The following MKRN2 variants were observed in gnomAD, a reference collection of about 807,000 sequenced individuals.
The protein encoded by MKRN2 is E3 ubiquitin-protein ligase makorin-2.
A neutral mutation model predicts 45.4 loss-of-function variants in MKRN2; 32 were observed. The ratio of observed to expected loss-of-function variants is 0.70; its 90% CI spans 0.53 to 0.95. MKRN2 has a LOEUF of 0.95. Ranked by LOEUF, MKRN2 falls within the 40% of genes least tolerant of loss-of-function variation. The pLI, the probability that MKRN2 is intolerant of heterozygous loss-of-function variation, is 0.00. For missense variants in MKRN2, 526 were observed against 536.7 expected, an observed-to-expected ratio of 0.98 and a Z score of 0.20; for synonymous variants, 206 against 192.4, an observed-to-expected ratio of 1.07 and a Z score of -0.59.
chr3:12,558,777 A>G (rs914970205), intron 1 of MKRN2, among the ~76,000 whole-genome samples: 1 of 152,166 alleles, frequency 6.6e-6, no homozygotes, highest in African/African-American at 2.4e-5. Flanking sequence ...CTCCATATAA[A>G]TGAAGATTGG....
intron 6 of MKRN2, 120 bp downstream of exon 6, chr3:12,576,861 C>T (rs934653641): frequency 1.0e-5 from 6 of 587,426 alleles, no homozygotes; most frequent in Non-Finnish European, 1.8e-5. Context: ...TTCCTTCTCT[C>T]AGGCACCATG....
intron 3 of MKRN2, 105 bp from the exon 4 acceptor site, chr3:12,571,964 T>G: frequency 8.9e-7 from 1 of 1,125,836 alleles, no homozygotes; most frequent in East Asian, 2.8e-5. Context: ...TTCTCAAGAG[T>G]GGAATTCTTA....
intron 4 of MKRN2, among the ~76,000 whole-genome samples, 154 bp from the exon 5 acceptor site, chr3:12,574,638 C>T (rs2058119679): frequency 6.6e-6 from 1 of 152,212 alleles, no homozygotes; most frequent in South Asian, 2.1e-4. Flanking sequence ...TGTCAGTGTC[C>T]TGACTTGGGG....
At chr3:12,576,366 T>C (rs79870716) in intron 5 of MKRN2, among the ~76,000 whole-genome samples, 1 of 152,164 alleles carries the variant, frequency 6.6e-6, no homozygotes, top group Non-Finnish European at 1.5e-5. Context: ...ATTAGCTGTT[T>C]GTGCTGATGT....
intron 6 of MKRN2, among the ~76,000 whole-genome samples, chr3:12,578,224 T>C (rs1389246373): frequency 1.3e-5 from 2 of 152,186 alleles, no homozygotes; most frequent in Non-Finnish European, 2.9e-5. Flanking sequence ...CTTTTAGTTC[T>C]TCAGGCCAGA....
intron 1 of MKRN2, among the ~76,000 whole-genome samples, chr3:12,564,338 C>T (rs1056993912): frequency 2.0e-5 from 3 of 152,202 alleles, no homozygotes; most frequent in South Asian, 2.1e-4. Flanking sequence ...TACTGTTTTT[C>T]TATAGAAGCT....
At chr3:12,574,588 C>T (rs913277235) in intron 4 of MKRN2, among the ~76,000 whole-genome samples, 14 of 152,180 alleles carry the variant, frequency 9.2e-5, no homozygotes, top group Admixed American at 6.5e-4. Flanking sequence ...AGGGGCTGGA[C>T]CAGTGATGGT....
At chr3:12,579,912 C>G (rs1038024585) in intron 6 of MKRN2, among the ~76,000 whole-genome samples, 6 of 151,814 alleles carry the variant, frequency 4.0e-5, no homozygotes, top group Non-Finnish European at 8.8e-5. Flanking sequence ...AGGGAGACCT[C>G]ATCTCTTTAA....
At chr3:12,567,114 TGC>T (rs1458374013) in intron 1 of MKRN2, among the ~76,000 whole-genome samples, 3 of 152,190 alleles carry the variant, frequency 2.0e-5, no homozygotes, top group African/African-American at 7.2e-5. Context: ...TATGATTGGA[TGC>T]CAAGCATTGT....
intron 6 of MKRN2, among the ~76,000 whole-genome samples, chr3:12,578,807 T>C (rs1362542285): frequency 6.6e-6 from 1 of 152,024 alleles, no homozygotes; most frequent in Non-Finnish European, 1.5e-5. Flanking sequence ...AAACTATGCA[T>C]TACCTTTTTT....
At chr3:12,576,933 G>GTTTTTGGTTTTTT (rs56380121) in intron 6 of MKRN2, 192 bp downstream of exon 6, 1 of 55,244 alleles carries the variant, frequency 1.8e-5, no homozygotes, top group African/African-American at 1.3e-4. Flanking sequence ...TAGTTTTGGT[G>GTTTTTGGTTTTTT]TTTTTTTTTT....
chr3:12,577,222 A>T (rs2058147230), intron 6 of MKRN2: 1 of 152,328 alleles, frequency 6.6e-6, no homozygotes, highest in African/African-American at 2.4e-5. Context: ...TACAGGCATG[A>T]GCCACCGTGC....
intron 3 of MKRN2, among the ~76,000 whole-genome samples, chr3:12,571,571 A>G (rs2058099789): frequency 6.6e-6 from 1 of 152,214 alleles, no homozygotes; most frequent in Admixed American, 6.5e-5. Flanking sequence ...GGAAGGCAGC[A>G]GCTCCTGGCG....
chr3:12,579,662 C>G (rs1025162246), intron 6 of MKRN2, among the ~76,000 whole-genome samples: 4 of 152,120 alleles, frequency 2.6e-5, no homozygotes, highest in African/African-American at 9.7e-5. Context: ...GATGGAAGGA[C>G]ATGGGCACAG....
intron 1 of MKRN2, among the ~76,000 whole-genome samples, chr3:12,562,180 C>T (rs1397952203): frequency 6.6e-6 from 1 of 152,158 alleles, no homozygotes; most frequent in Admixed American, 6.5e-5. Flanking sequence ...ACATAGGCAC[C>T]CTCTGCCTAG....
chr3:12,580,667 C>T (rs1189348687), intron 6 of MKRN2, among the ~76,000 whole-genome samples: 1 of 152,168 alleles, frequency 6.6e-6, no homozygotes, highest in Non-Finnish European at 1.5e-5. Flanking sequence ...CTGTGTTGGC[C>T]AGGCTGGTCT....
chr3:12,560,849 G>A (rs1335263361), intron 1 of MKRN2: 1 of 152,242 alleles, frequency 6.6e-6, no homozygotes, highest in Admixed American at 6.5e-5. Flanking sequence ...GAAGATATGA[G>A]GGGCGGTTTG....
intron 1 of MKRN2, chr3:12,560,610 A>C (rs2058029234): frequency 6.6e-6 from 1 of 152,216 alleles, no homozygotes; most frequent in Non-Finnish European, 1.5e-5. Flanking sequence ...TTTGCTTAGC[A>C]CTGCTGCTGC....
rs752468173 is a variant in MKRN2, at chr3:12,574,816, G to A, written c.667G>A (p.Glu223Lys). ...GATCTGCATGTTGACGTTCGAACAC[G>A]AGATGGAAAAGGCCTTTGCCTTCCA... ...EKICMLTFEH[E>K]MEKAFAFQAS... The change falls in exon 5 of 8, where the codon GAG becomes AAG. Residue 223 changes from glutamate to lysine, a missense_variant. Coordinates refer to ENST00000170447, the MANE Select transcript of MKRN2 (RefSeq NM_014160.5). 13 of 1,613,808 alleles carry A rather than the reference G, an allele frequency of 8.1e-6. No homozygotes were observed. Among genetic ancestry groups the A allele is most frequent in the Admixed American group, 5.0e-5 (3 of 60,024 alleles).
Sources: allele counts gnomAD v4.1 joint callset (sites outside exome capture counted in the v4.1 genomes callset), GRCh38; gene constraint gnomAD v4.1.1; transcripts MANE v1.5; gene names NCBI Gene and HGNC (gene_info 2026-07-23, HGNC 2026-07-21).